Variants in ADK observed in about 807,000 individuals in gnomAD.
The protein encoded by ADK is N6,N6-dimethyladenosine kinase.
ADK carries 24 observed loss-of-function variants against 44.7 expected under a neutral mutation model. The ratio of observed to expected loss-of-function variants is 0.54; its 90% CI spans 0.39 to 0.76. The LOEUF is 0.76. Among genes scored for constraint, ADK ranks in the 30% least tolerant of loss-of-function variants. The pLI is 0.00. For synonymous variants in ADK, 128 were observed against 142.6 expected, an observed-to-expected ratio of 0.90 and a Z score of 0.73; for missense variants, 321 against 425.1, an observed-to-expected ratio of 0.76 and a Z score of 2.15.
Position 74,540,176 on chromosome 10 carries a change from TAAG to T in ADK, c.726+14755_726+14757del, listed in dbSNP as rs200746504. Among the ~76,000 whole-genome samples, 721 of 152,246 alleles carry T rather than the reference TAAG, an allele frequency of 4.7e-3. 7 individuals are homozygous for T. Among genetic ancestry groups the T allele is most frequent in the African/African-American group, 0.016 (684 of 41,550 alleles). On this transcript the variant is annotated intron_variant, in intron 7 of 10. Coordinates refer to ENST00000539909, the MANE Select transcript of ADK (RefSeq NM_006721.4). ...AAATTAAAAAAAATTATTAGAAAAT[TAAG>T]AAGAGCATTTAAATGTTTTTAATTG...
intron 10 of ADK, among the ~76,000 whole-genome samples, chr10:74,692,118 A>C (rs1564854958): frequency 3.9e-5 from 6 of 152,234 alleles, no homozygotes; most frequent in Admixed American, 3.9e-4. Flanking sequence ...AAGTAGCTAC[A>C]TATCTTTCAC....
chr10:74,377,765 T>C (rs1842858770), intron 4 of ADK, among the ~76,000 whole-genome samples: 1 of 152,156 alleles, frequency 6.6e-6, no homozygotes, highest in East Asian at 1.9e-4. Flanking sequence ...GGAAAAATAG[T>C]CTAATGACAG....
chr10:74,258,777 A>G (rs1845920420), intron 3 of ADK, among the ~76,000 whole-genome samples: 1 of 152,166 alleles, frequency 6.6e-6, no homozygotes, highest in Admixed American at 6.5e-5. Flanking sequence ...CTGTGATTAT[A>G]TAATATCTTT....
intron 9 of ADK, among the ~76,000 whole-genome samples, chr10:74,649,188 G>A (rs1052198819): frequency 6.6e-6 from 1 of 151,904 alleles, no homozygotes. Context: ...ACTCCAGCCT[G>A]GATGACAGAC....
chr10:74,475,975 A>G (rs1846821093), intron 6 of ADK, among the ~76,000 whole-genome samples: 1 of 152,190 alleles, frequency 6.6e-6, no homozygotes, highest in Non-Finnish European at 1.5e-5. Context: ...TCATGTATAC[A>G]TAGACACACA....
At chr10:74,443,855 A>G (rs1331908693) in intron 6 of ADK, among the ~76,000 whole-genome samples, 12 of 152,236 alleles carry the variant, frequency 7.9e-5, no homozygotes, top group African/African-American at 2.9e-4. Context: ...GGGGCATGTA[A>G]CCTCTTGAAG....
intron 1 of ADK, chr10:74,177,035 T>G (rs1050672241): frequency 3.4e-6 from 4 of 1,188,120 alleles, no homozygotes; most frequent in Non-Finnish European, 4.8e-6. Context: ...CACTTTTCAT[T>G]TGGGCATTTC....
In ADK at chr10:74,709,181, G is replaced by A. The variant is rs1048073707; in HGVS notation, c.*736G>A. Reference sequence around the variant, plus strand: ...GGAAGAAAGATCATTATTTAATACTGGGCCCTGAAATGACACCCAATTTGT... The same window carrying A: ...GGAAGAAAGATCATTATTTAATACTAGGCCCTGAAATGACACCCAATTTGT... On this transcript the variant is annotated 3_prime_UTR_variant, in exon 11 of 11. Coordinates refer to ENST00000539909, the MANE Select transcript of ADK (RefSeq NM_006721.4). 6.6e-6 allele frequency: 1 copy of A among 152,066 alleles called. No homozygotes were observed. Among genetic ancestry groups the A allele is most frequent in the African/African-American group, 2.4e-5 (1 of 41,384 alleles). The allele number at this position is 152,066 out of a possible 1,614,324, so 9.4% of individuals were successfully genotyped here.
At chr10:74,471,785 T>A (rs1426217255) in intron 6 of ADK, among the ~76,000 whole-genome samples, 1 of 152,202 alleles carries the variant, frequency 6.6e-6, no homozygotes, top group Non-Finnish European at 1.5e-5. Context: ...ATTTGTTTTC[T>A]TAATTTTCTT....
At chr10:74,409,476 A>G (rs994932276) in intron 6 of ADK, among the ~76,000 whole-genome samples, 17 of 152,312 alleles carry the variant, frequency 1.1e-4, no homozygotes, top group Middle Eastern at 3.4e-3. Context: ...TATCTTGTCA[A>G]TAATTTTGTG....
Position 74,601,015 on chromosome 10 carries a change from A to G in ADK, c.877+522A>G, listed in dbSNP as rs536928267. On this transcript the variant is annotated intron_variant, in intron 9 of 10. Coordinates refer to ENST00000539909, the MANE Select transcript of ADK (RefSeq NM_006721.4). ...TAGTGTTAATATGGAGCTACCCACT[A>G]TTAAAAATATAAATGTTTTAATTCT... is the stretch of plus-strand genomic sequence containing the variant. Among the ~76,000 whole-genome samples the G allele has an allele frequency of 3.3e-5, 5 of 152,078 alleles. No homozygotes were observed. In the South Asian group the frequency reaches 1.0e-3, roughly 32 times the overall value.
intron 9 of ADK, among the ~76,000 whole-genome samples, chr10:74,609,291 A>G (rs1270604154): frequency 6.6e-6 from 1 of 152,154 alleles, no homozygotes; most frequent in East Asian, 1.9e-4. Flanking sequence ...GGTATGAACA[A>G]AAACTCCTGC....
chr10:74,436,103 C>G (rs1845170669), intron 6 of ADK, among the ~76,000 whole-genome samples: 1 of 152,084 alleles, frequency 6.6e-6, no homozygotes, highest in East Asian at 1.9e-4. Context: ...TATTTAGGCC[C>G]TATGACTTAT....
At chr10:74,326,943 AGC>A (rs1841042450) in intron 4 of ADK, among the ~76,000 whole-genome samples, 1 of 151,444 alleles carries the variant, frequency 6.6e-6, no homozygotes, top group Non-Finnish European at 1.5e-5. Flanking sequence ...TTCTTAGTCT[AGC>A]TAAAGGTTTG....
chr10:74,567,799 C>T (rs927712002), intron 7 of ADK, among the ~76,000 whole-genome samples: 4 of 151,070 alleles, frequency 2.6e-5, no homozygotes, highest in East Asian at 1.9e-4. Flanking sequence ...CCCAGATTCA[C>T]GCCATTCTCC....
intron 9 of ADK, among the ~76,000 whole-genome samples, chr10:74,645,147 T>C (rs1854010199): frequency 6.6e-6 from 1 of 152,244 alleles, no homozygotes; most frequent in Non-Finnish European, 1.5e-5. Flanking sequence ...TGTTTAATTG[T>C]CCATCCCCTA....
intron 9 of ADK, among the ~76,000 whole-genome samples, chr10:74,637,126 A>G (rs1853645978): frequency 6.6e-6 from 1 of 152,236 alleles, no homozygotes; most frequent in African/African-American, 2.4e-5. Flanking sequence ...TGTATAACTT[A>G]TAGACACTTT....
At chr10:74,638,882 G>T (rs1853722590) in intron 9 of ADK, among the ~76,000 whole-genome samples, 1 of 152,022 alleles carries the variant, frequency 6.6e-6, no homozygotes, top group Non-Finnish European at 1.5e-5. Context: ...ACAGCTCACT[G>T]CAACCCCTTC....
chr10:74,506,358 TG>T, intron 6 of ADK: 1 of 257,484 alleles, frequency 3.9e-6, no homozygotes. Flanking sequence ...AGCTTTTTTT[TG>T]TAATGATTTT....
Sources: gnomAD v4.1 joint callset for allele counts (sites outside exome capture counted in the v4.1 genomes callset) on GRCh38, gnomAD v4.1.1 for gene constraint, MANE v1.5 for transcripts, NCBI Gene and HGNC (gene_info 2026-07-23, HGNC 2026-07-21) for gene names.